TTLL5: variants seen among roughly 807,000 people sequenced by gnomAD.
TTLL5 encodes tubulin tyrosine ligase like 5, also known as tubulin polyglutamylase TTLL5.
In TTLL5, 132 loss-of-function variants were observed where a neutral mutation model predicts 168.4. The observed-to-expected ratio is 0.78, with a 90% confidence interval of 0.68 to 0.91. The LOEUF (loss-of-function observed/expected upper bound fraction) is 0.91, where lower values mean the gene tolerates loss of function less well. Among genes scored for constraint, TTLL5 ranks in the 40% least tolerant of loss-of-function variants. TTLL5 has a pLI of 0.00. For synonymous variants in TTLL5, 546 were observed against 558.6 expected, an observed-to-expected ratio of 0.98 and a Z score of 0.32; for missense variants, 1,545 against 1,581.5, an observed-to-expected ratio of 0.98 and a Z score of 0.39.
intron 1 of TTLL5, among the ~76,000 whole-genome samples, chr14:75,662,007 ATTTC>A (rs995979803): frequency 2.6e-5 from 4 of 152,240 alleles, no homozygotes; most frequent in African/African-American, 7.2e-5. Flanking sequence ...TGTAGTTCCT[ATTTC>A]TTCTTCTGAC....
intron 31 of TTLL5, among the ~76,000 whole-genome samples, chr14:75,909,869 GA>G (rs1386715548): frequency 6.6e-6 from 1 of 152,248 alleles, no homozygotes; most frequent in Non-Finnish European, 1.5e-5. Context: ...GTCAGCCATT[GA>G]AGTGCATGCG....
rs554335850 is a variant in TTLL5 at position 75,710,869 on chromosome 14, C to T, written c.740+3162C>T. The stretch of plus-strand genomic sequence containing the variant: ...GAGATTATTGGGTTACGTTGAGGCT[C>T]AACAAGAAAAACCATAATCTTTCCT... On this transcript the variant is annotated intron_variant, in intron 9 of 31. Transcript: ENST00000298832. The T allele has an allele frequency of 4.6e-5, 7 of 152,244 alleles. No individual in the cohort carries two copies. In the East Asian group the frequency reaches 1.3e-3, roughly 29 times the overall value. The allele number at this position is 152,244 out of a possible 1,614,324, so 9.4% of individuals were successfully genotyped here.
At chr14:75,908,997 C>T (rs1283917724) in intron 31 of TTLL5, among the ~76,000 whole-genome samples, 5 of 151,804 alleles carry the variant, frequency 3.3e-5, no homozygotes, top group African/African-American at 9.7e-5. Context: ...AGGCTGGTCT[C>T]GAACCCCTAA....
chr14:75,718,096 A>C, intron 10 of TTLL5, 134 bp downstream of exon 10: 1 of 752,816 alleles, frequency 1.3e-6, no homozygotes, highest in Non-Finnish European at 2.2e-6. Flanking sequence ...GAAATCTGTC[A>C]GTCATATAAC....
intron 14 of TTLL5, 146 bp from the exon 15 acceptor site, chr14:75,735,049 A>G (rs1888795288): frequency 2.9e-6 from 2 of 685,840 alleles, no homozygotes; most frequent in Non-Finnish European, 2.6e-6. Flanking sequence ...TGTGTGTGGG[A>G]GAGTTGTGCA....
chr14:75,905,759 A>G (rs1312822749), intron 31 of TTLL5, among the ~76,000 whole-genome samples: 3 of 152,208 alleles, frequency 2.0e-5, no homozygotes, highest in Non-Finnish European at 4.4e-5. Context: ...CATTTCTCTC[A>G]TGCTGATTTG....
At chr14:75,718,896 T>A (rs1594920593) in intron 10 of TTLL5, among the ~76,000 whole-genome samples, 1 of 152,320 alleles carries the variant, frequency 6.6e-6, no homozygotes, top group African/African-American at 2.4e-5. Flanking sequence ...AAGAAAGGAA[T>A]CTGGAAGTGA....
chr14:75,709,189 T>A, intron 9 of TTLL5: 1 of 761,906 alleles, frequency 1.3e-6, no homozygotes, highest in Non-Finnish European at 2.4e-6. Context: ...AAAATGCAAT[T>A]GGAAGATGGG....
intron 15 of TTLL5, among the ~76,000 whole-genome samples, chr14:75,741,710 C>T (rs1241295575): frequency 6.6e-6 from 1 of 152,056 alleles, no homozygotes; most frequent in Non-Finnish European, 1.5e-5. Context: ...TTTCTCAGAG[C>T]TCTTAAATAC....
intron 29 of TTLL5, among the ~76,000 whole-genome samples, chr14:75,877,590 T>C (rs1346506579): frequency 6.6e-6 from 1 of 152,242 alleles, no homozygotes; most frequent in Non-Finnish European, 1.5e-5. Context: ...TGACTAGGTC[T>C]TGAGTGGAGG....
At chr14:75,925,949 C>CCT (rs1443056439) in intron 31 of TTLL5, among the ~76,000 whole-genome samples, 1 of 151,862 alleles carries the variant, frequency 6.6e-6, no homozygotes, top group African/African-American at 2.4e-5. Context: ...ACTTGGCAGG[C>CCT]TGAGGCAGGA....
At chr14:75,863,321 G>T (rs1345502642) in intron 28 of TTLL5, among the ~76,000 whole-genome samples, 1 of 152,200 alleles carries the variant, frequency 6.6e-6, no homozygotes, top group East Asian at 1.9e-4. Context: ...CCCCCATCCT[G>T]CATTGGAAGC....
Position 75,663,131 on chromosome 14 carries a change from A to G in TTLL5, c.-19A>G. ...TCTGAGGCCCCCGTCTGCTGACTGC[A>G]TGACAAACCCTAAAGGAAATGCCAA... On this transcript the variant is annotated 5_prime_UTR_variant, in exon 2 of 32. The change abolishes an upstream ATG in the 5' untranslated region. Transcript: ENST00000298832. The G allele has an allele frequency of 6.2e-7, 1 of 1,612,820 alleles. No homozygotes were observed. Among genetic ancestry groups the G allele is most frequent in the South Asian group, 1.1e-5 (1 of 90,580 alleles).
chr14:75,793,223 T>A, intron 27 of TTLL5, 123 bp downstream of exon 27: 1 of 885,352 alleles, frequency 1.1e-6, no homozygotes, highest in Non-Finnish European at 1.6e-6. Flanking sequence ...TGAGTATTAT[T>A]AATAGTTGGT....
chr14:75,774,168 G>T (rs1891571929), intron 21 of TTLL5, among the ~76,000 whole-genome samples: 1 of 151,928 alleles, frequency 6.6e-6, no homozygotes, highest in Admixed American at 6.6e-5. Flanking sequence ...TCATCTGAAG[G>T]CAGTTTTATT....
intron 6 of TTLL5, among the ~76,000 whole-genome samples, chr14:75,693,205 C>G (rs1885585271): frequency 6.6e-6 from 1 of 152,098 alleles, no homozygotes; most frequent in South Asian, 2.1e-4. Context: ...GTTTATGTTA[C>G]AAATTCCTAG....
In TTLL5 at chr14:75,776,736, G is replaced by T; in HGVS notation, c.2284-11G>T. ...CTTGTTGTTTTTCTGTGGGGTTTGG[G>T]CACTGGGTAGGAAACAGAACAAATG... is the stretch of plus-strand genomic sequence containing the variant. On this transcript the variant is annotated splice_polypyrimidine_tract_variant and intron_variant, in intron 22 of 31. Coordinates refer to ENST00000298832, the MANE Select transcript of TTLL5 (RefSeq NM_015072.5). 2 of 1,607,998 alleles carry T rather than the reference G, an allele frequency of 1.2e-6. No individual in the cohort carries two copies. Among genetic ancestry groups the T allele is most frequent in the Non-Finnish European group, 1.7e-6 (2 of 1,176,008 alleles).
chr14:75,886,840 T>G lies in TTLL5; in HGVS notation c.3740+3938T>G. ...TGAGCTTTTTTCAGAGCCAGAATCA[T>G]ACTCTCCAGGAAATATGGAGAAAGA... On this transcript the variant is annotated intron_variant, in intron 30 of 31. Transcript: ENST00000298832. 1.9e-6 allele frequency: 3 copies of G among 1,541,606 alleles called. No individual in the cohort carries two copies. The East Asian group carries it at 7.0e-5, about 36-fold the overall frequency.
At position 75,669,503 on chromosome 14, in the gene TTLL5, C is replaced by T. The variant is rs770160766; in HGVS notation, c.162C>T (p.Asn54=). ...CCGACGCTATTCTTACAAAGGACAA[C>T]AATATTAGAGTAATTGGAGGTGCGT... The part of the protein sequence containing the change: ...FHADAILTKD[N]NIRVIGERYH... Residue 54 remains asparagine (N), a synonymous_variant, in exon 3 of 32, where the codon AAC becomes AAT. Coordinates refer to ENST00000298832, the MANE Select transcript of TTLL5 (RefSeq NM_015072.5). 7 of 1,613,882 alleles carry T rather than the reference C, an allele frequency of 4.3e-6. No individual in the cohort carries two copies. The East Asian group carries it at 1.6e-4, about 36-fold the overall frequency.
Sources: allele counts gnomAD v4.1 joint callset (sites outside exome capture counted in the v4.1 genomes callset), GRCh38; gene constraint gnomAD v4.1.1; transcripts MANE v1.5; gene names NCBI Gene and HGNC (gene_info 2026-07-23, HGNC 2026-07-21).